Variants in ENAM observed in about 807,000 individuals in gnomAD.
ENAM encodes the protein enamelin.
In ENAM, 21 loss-of-function variants were observed where a neutral mutation model predicts 33.6. The observed-to-expected ratio is 0.63, with a 90% CI of 0.44 to 0.90. The LOEUF is 0.90. ENAM is among the 40% of genes least tolerant of loss of function. ENAM has a pLI of 0.00. For synonymous variants in ENAM, 473 were observed against 468.4 expected, an observed-to-expected ratio of 1.01 and a Z score of -0.13; for missense variants, 1,388 against 1,366.9, an observed-to-expected ratio of 1.02 and a Z score of -0.24.
In ENAM at chr4:70,644,339, C is replaced by G; in HGVS notation, c.2913C>G (p.Pro971=). 2 of 1,614,204 alleles carry G rather than the reference C, an allele frequency of 1.2e-6. No individual in the cohort carries two copies. The highest frequency in any genetic ancestry group is 1.7e-6 in the Non-Finnish European group (2 of 1,180,014). Residue 971 remains proline (P), a synonymous_variant, in exon 9 of 9, where the codon CCC becomes CCG. Transcript: ENST00000396073. ...KNQLGQKEIM[P]FPEASSLQSK... is the part of the protein sequence containing the mutation. ...AACTGGGCCAAAAGGAAATTATGCCCTTTCCTGAAGCCAGTTCCCTTCAAT... is the reference window on the plus strand; with the variant it reads ...AACTGGGCCAAAAGGAAATTATGCCGTTTCCTGAAGCCAGTTCCCTTCAAT...
chr4:70,643,780 A>G lies in ENAM; in HGVS notation c.2354A>G (p.Asn785Ser), dbSNP rs934109064. 2.5e-6 allele frequency: 4 copies of G among 1,614,058 alleles called. No individual in the cohort carries two copies. The highest frequency in any genetic ancestry group is 2.2e-5 in the South Asian group (2 of 91,086). The part of the protein sequence containing the change: ...QRERRPYFNR[N>S]IWDQATHLQK... Reference sequence around the variant, plus strand: ...GAAAGAAGGCCGTATTTTAACAGAAATATCTGGGATCAGGCAACACATTTA... The same window carrying G: ...GAAAGAAGGCCGTATTTTAACAGAAGTATCTGGGATCAGGCAACACATTTA... Residue 785 changes from asparagine to serine, a missense_variant, in exon 9 of 9, where the codon AAT (asparagine) becomes AGT (serine). Asn to Ser is a conservative substitution (Grantham distance 46). Transcript: ENST00000396073.
intron 8 of ENAM, among the ~76,000 whole-genome samples, chr4:70,638,493 C>T: frequency 9.0e-6 from 1 of 110,570 alleles, no homozygotes; most frequent in Non-Finnish European, 1.7e-5. Context: ...GGTGGGAGAT[C>T]ACCTGAGCCT....
chr4:70,639,131 T>C (rs1738536172), intron 8 of ENAM, among the ~76,000 whole-genome samples: 1 of 152,006 alleles, frequency 6.6e-6, no homozygotes, highest in Non-Finnish European at 1.5e-5. Flanking sequence ...AAGATTACCG[T>C]GTCAGTAATG....
chr4:70,631,964 A>G (rs1738336034), intron 4 of ENAM, 71 bp downstream of exon 4: 1 of 1,258,698 alleles, frequency 7.9e-7, no homozygotes, highest in Non-Finnish European at 1.2e-6. Context: ...AAAGGAGAAT[A>G]TTGGAAAATT....
At chr4:70,637,154 T>G in intron 7 of ENAM, among the ~76,000 whole-genome samples, 1 of 152,204 alleles carries the variant, frequency 6.6e-6, no homozygotes, top group East Asian at 1.9e-4. Context: ...CAGTACAAGG[T>G]AAAGATTTTA....
chr4:70,637,283 A>G (rs545819677), intron 7 of ENAM, among the ~76,000 whole-genome samples: 2 of 152,330 alleles, frequency 1.3e-5, no homozygotes, highest in East Asian at 3.8e-4. Context: ...GTCAAATAAA[A>G]ATATCATAGT....
chr4:70,640,620 C>A (rs1266126799), intron 8 of ENAM, among the ~76,000 whole-genome samples: 1 of 151,950 alleles, frequency 6.6e-6, no homozygotes, highest in Non-Finnish European at 1.5e-5. Flanking sequence ...TACTAAGTAC[C>A]AGGCACTGAG....
chr4:70,642,448 T>C lies in ENAM; in HGVS notation c.1022T>C (p.Met341Thr), dbSNP rs1446921897. ...CAGTGGTATTTCACTGGTACTGTCATGGGGCACAGACAGAATAGGCCTTTT... is the reference window on the plus strand; with the variant it reads ...CAGTGGTATTTCACTGGTACTGTCACGGGGCACAGACAGAATAGGCCTTTT... ...GRQWYFTGTV[M>T]GHRQNRPFYR... The change falls in exon 9 of 9, where the codon ATG becomes ACG. Residue 341 changes from methionine to threonine, a missense_variant. Physicochemically the swap from Met to Thr is moderately conservative, Grantham distance 81. Transcript: ENST00000396073. 1 of 1,614,110 alleles carries C rather than the reference T, an allele frequency of 6.2e-7. No individual in the cohort carries two copies. Among genetic ancestry groups the C allele is most frequent in the Non-Finnish European group, 8.5e-7 (1 of 1,179,976 alleles).
rs769347446 is a variant in ENAM at position 70,642,806 on chromosome 4, C to T, written c.1380C>T (p.Asn460=). 6.2e-7 allele frequency: 1 copy of T among 1,614,034 alleles called. No homozygotes were observed. The highest frequency in any genetic ancestry group is 8.5e-7 in the Non-Finnish European group (1 of 1,179,988). ...AGAATCCAACCAGCCCCTGGAGAAA[C>T]TCTCAACAGTATGAAGTTAATAAAT... ...PTKNPTSPWR[N]SQQYEVNKSN... is the part of the protein sequence containing the mutation. Residue 460 remains asparagine (N), a synonymous_variant, in exon 9 of 9, where the codon AAC becomes AAT. Transcript: ENST00000396073.
chr4:70,632,909 T>A (rs929103243), intron 5 of ENAM, among the ~76,000 whole-genome samples: 1 of 152,108 alleles, frequency 6.6e-6, no homozygotes, highest in Admixed American at 6.6e-5. Context: ...ATCAAAATAA[T>A]TATTAATGAG....
At chr4:70,637,574 T>G in intron 7 of ENAM, 1 of 577,120 alleles carries the variant, frequency 1.7e-6, no homozygotes, top group Non-Finnish European at 3.1e-6. Flanking sequence ...TAATCTAGGA[T>G]CCAGCTGAAG....
chr4:70,638,753 A>G (rs1738524624), intron 8 of ENAM, among the ~76,000 whole-genome samples: 1 of 151,108 alleles, frequency 6.6e-6, no homozygotes, highest in Non-Finnish European at 1.5e-5. Flanking sequence ...CAGTCCCTGC[A>G]ATGACTGCCA....
chr4:70,634,393 C>G lies in ENAM; in HGVS notation c.296C>G (p.Pro99Arg). Reference sequence around the variant, plus strand: ...ATGCCCATGTGGCCTCAGCCACCACCCAACACATGGCATCCACGGAAATCC... The same window carrying G: ...ATGCCCATGTGGCCTCAGCCACCACGCAACACATGGCATCCACGGAAATCC... ...YQMPMWPQPP[P>R]NTWHPRKSSA... The change falls in exon 6 of 9, where the codon CCC becomes CGC. Residue 99 changes from proline to arginine, a missense_variant. By Grantham distance (103) the Pro-to-Arg change is moderately radical (BLOSUM62 -2). Coordinates refer to ENST00000396073, the MANE Select transcript of ENAM (RefSeq NM_031889.3). 1.2e-6 allele frequency: 2 copies of G among 1,614,108 alleles called. No homozygotes were observed. Among genetic ancestry groups the G allele is most frequent in the Non-Finnish European group, 1.7e-6 (2 of 1,180,006 alleles).
Position 70,642,982 on chromosome 4 carries a change from G to T in ENAM, c.1556G>T (p.Gly519Val). Residue 519 changes from glycine (G) to valine (V), a missense_variant, in exon 9 of 9, where the codon GGG becomes GTG. Coordinates refer to ENST00000396073, the MANE Select transcript of ENAM (RefSeq NM_031889.3). ...GQTQSQNLPK[G>V]IVLGSRRMPY... ...ACCCAAAGCCAGAATTTGCCCAAAG[G>T]GATTGTTTTAGGGTCAAGAAGGATG... 6.2e-7 allele frequency: 1 copy of T among 1,613,922 alleles called. No homozygotes were observed. Among genetic ancestry groups the T allele is most frequent in the South Asian group, 1.1e-5 (1 of 91,046 alleles).
intron 8 of ENAM, among the ~76,000 whole-genome samples, chr4:70,641,224 A>C (rs1406017278): frequency 6.6e-6 from 1 of 152,104 alleles, no homozygotes; most frequent in Non-Finnish European, 1.5e-5. Flanking sequence ...TACTCATGAA[A>C]TCTTTAGTGG....
chr4:70,642,505 G>A lies in ENAM; in HGVS notation c.1079G>A (p.Arg360Gln), dbSNP rs149640167. The part of the protein sequence containing the change: ...YRNQQVQRGP[R>Q]WNFFAWERKQ... ...AATCAACAAGTTCAAAGGGGTCCTC[G>A]GTGGAACTTCTTTGCTTGGGAACGT... Residue 360 changes from arginine to glutamine, a missense_variant, in exon 9 of 9, where the codon CGG (arginine) becomes CAG (glutamine). Arg to Gln is a conservative substitution (Grantham distance 43). Transcript: ENST00000396073. 7.5e-5 allele frequency: 121 copies of A among 1,614,082 alleles called. No individual in the cohort carries two copies. The African/African-American group carries it at 1.3e-3, about 17-fold the overall frequency.
chr4:70,642,036 G>T lies in ENAM; in HGVS notation c.610G>T (p.Gly204Ter). The stretch of plus-strand genomic sequence containing the variant: ...ACAGAATCCTTACTTTGGATATTTT[G>T]GATATCATGGCTTTGGGGGTCGCCC... ...EGGNPYFGYF[G>*]YHGFGGRPPY... Residue 204 changes from glycine to a stop codon, truncating the protein, a stop_gained, in exon 9 of 9, where the codon GGA (glycine) becomes TGA (stop). Coordinates refer to ENST00000396073, the MANE Select transcript of ENAM (RefSeq NM_031889.3). LOFTEE classifies it low-confidence loss of function (END_TRUNC). 6.2e-7 allele frequency: 1 copy of T among 1,613,056 alleles called. No individual in the cohort carries two copies. Among genetic ancestry groups the T allele is most frequent in the Non-Finnish European group, 8.5e-7 (1 of 1,179,082 alleles).
At position 70,642,669 on chromosome 4, in the gene ENAM, A is replaced by G; in HGVS notation, c.1243A>G (p.Thr415Ala). 6.2e-7 allele frequency: 1 copy of G among 1,612,352 alleles called. No individual in the cohort carries two copies. Among genetic ancestry groups the G allele is most frequent in the Non-Finnish European group, 8.5e-7 (1 of 1,179,464 alleles). ...GGGGCCAAATAAACACCCTGTAGGA[A>G]CTACTGTTGCCCCACTGGGTCCCAA... is the stretch of plus-strand genomic sequence containing the variant. ...PQGPNKHPVG[T>A]TVAPLGPKPG... Residue 415 changes from threonine (T) to alanine (A), a missense_variant, in exon 9 of 9, where the codon ACT becomes GCT. Thr to Ala is a moderately conservative substitution (Grantham distance 58, BLOSUM62 0). Transcript: ENST00000396073.
intron 5 of ENAM, among the ~76,000 whole-genome samples, chr4:70,633,918 T>G (rs1239967795): frequency 6.6e-6 from 1 of 152,198 alleles, no homozygotes; most frequent in East Asian, 1.9e-4. Context: ...TTATCTTATT[T>G]TTGTTTTTTC....
Sources: gnomAD v4.1 joint callset for allele counts (sites outside exome capture counted in the v4.1 genomes callset) on GRCh38, gnomAD v4.1.1 for gene constraint, MANE v1.5 for transcripts, NCBI Gene and HGNC (gene_info 2026-07-23, HGNC 2026-07-21) for gene names.